Variants in FRMD5 observed in about 807,000 individuals in gnomAD.
FRMD5 encodes FERM domain containing 5.
A neutral mutation model predicts 69.0 loss-of-function variants in FRMD5; 20 were observed. The observed-to-expected ratio is 0.29, with a 90% CI of 0.20 to 0.42. The LOEUF is 0.42. Among genes scored for constraint, FRMD5 ranks in the 10% least tolerant of loss-of-function variants. FRMD5 has a pLI of 1.00. For missense variants in FRMD5, 595 were observed against 708.6 expected (o/e 0.84, Z 1.82); for synonymous variants, 271 against 260.1 (o/e 1.04, Z -0.40).
At chr15:43,940,411 T>A (rs1015039386) in intron 1 of FRMD5, among the ~76,000 whole-genome samples, 1 of 152,090 alleles carries the variant, frequency 6.6e-6, no homozygotes, top group Admixed American at 6.6e-5. Flanking sequence ...AATTAGAAAG[T>A]GAACCTTATT....
chr15:43,898,818 T>G lies in FRMD5; in HGVS notation c.639+3357A>C, dbSNP rs2088976788. On this transcript the variant is annotated intron_variant, in intron 7 of 13. Coordinates refer to ENST00000417257, the MANE Select transcript of FRMD5 (RefSeq NM_032892.5). Reference sequence around the variant, plus strand: ...CAAGGCAGAAAATGCAGGACAGCCTTGTCCTGCACTTTTGGAATTTGGGTA... The same window carrying G: ...CAAGGCAGAAAATGCAGGACAGCCTGGTCCTGCACTTTTGGAATTTGGGTA... Among the ~76,000 whole-genome samples, 3 of 152,224 alleles carry G rather than the reference T, an allele frequency of 2.0e-5. No individual in the cohort carries two copies. The South Asian group carries it at 6.2e-4, about 31-fold the overall frequency.
At chr15:43,962,854 T>G (rs572877377) in intron 1 of FRMD5, among the ~76,000 whole-genome samples, 5 of 152,232 alleles carry the variant, frequency 3.3e-5, no homozygotes, top group African/African-American at 1.2e-4. Flanking sequence ...GCTAGCCATA[T>G]GCAGAAAGCT....
intron 1 of FRMD5, among the ~76,000 whole-genome samples, chr15:43,974,783 G>A (rs1011134552): frequency 6.6e-6 from 1 of 152,218 alleles, no homozygotes; most frequent in Non-Finnish European, 1.5e-5. Context: ...CTACTTTGTA[G>A]CCAACAGAAA....
intron 1 of FRMD5, among the ~76,000 whole-genome samples, chr15:44,005,286 G>A (rs1362741387): frequency 6.6e-6 from 1 of 152,150 alleles, no homozygotes; most frequent in Non-Finnish European, 1.5e-5. Context: ...TTCGAGACCA[G>A]CCTGGCCAAC....
chr15:44,041,654 A>G (rs1892199010), intron 1 of FRMD5, among the ~76,000 whole-genome samples: 1 of 152,236 alleles, frequency 6.6e-6, no homozygotes, highest in Non-Finnish European at 1.5e-5. Flanking sequence ...TTACATGGAA[A>G]CTGAACAACC....
chr15:44,115,107 T>C (rs2076850585), intron 1 of FRMD5, among the ~76,000 whole-genome samples: 1 of 152,242 alleles, frequency 6.6e-6, no homozygotes, highest in Admixed American at 6.5e-5. Context: ...TAGCCTGATC[T>C]GGCCTGGAGT....
chr15:44,062,489 G>C (rs1893129328), intron 1 of FRMD5, among the ~76,000 whole-genome samples: 1 of 152,090 alleles, frequency 6.6e-6, no homozygotes, highest in East Asian at 1.9e-4. Flanking sequence ...CCAAGAGTTC[G>C]AAACCAGCCT....
intron 1 of FRMD5, among the ~76,000 whole-genome samples, chr15:44,012,913 T>C (rs1006571599): frequency 7.2e-5 from 11 of 151,864 alleles, no homozygotes; most frequent in Non-Finnish European, 1.5e-4. Context: ...ATTACAGGCA[T>C]GCGCCACCAT....
At position 44,042,862 on chromosome 15, in the gene FRMD5, C is replaced by T. The variant is rs191388678; in HGVS notation, c.103-118553G>A. Among the ~76,000 whole-genome samples the T allele has an allele frequency of 5.9e-4, 90 of 152,264 alleles. 1 individual carries two copies. The highest frequency in any genetic ancestry group is 3.9e-3 in the East Asian group (20 of 5,186). ...AACTGGAAGCATTCCCTTTGAAAAC[C>T]GGCACAAGACAAGGATAGCCTCTCT... On this transcript the variant is annotated intron_variant, in intron 1 of 13. Transcript: ENST00000417257.
intron 1 of FRMD5, among the ~76,000 whole-genome samples, chr15:44,170,723 G>A (rs1266205358): frequency 2.0e-5 from 3 of 152,038 alleles, no homozygotes; most frequent in African/African-American, 4.8e-5. Context: ...CACTTTTGAT[G>A]GAGTTTTTTC....
chr15:44,031,741 G>A (rs1891693971), intron 1 of FRMD5, among the ~76,000 whole-genome samples: 1 of 152,078 alleles, frequency 6.6e-6, no homozygotes, highest in Non-Finnish European at 1.5e-5. Context: ...CCAGTATTTG[G>A]TGGCTATTTT....
rs531456405 is a variant in FRMD5, at chr15:44,067,690, C to T, written c.102+127263G>A. Among the ~76,000 whole-genome samples the T allele has an allele frequency of 1.8e-4, 28 of 152,212 alleles. No individual in the cohort carries two copies. In the South Asian group the frequency reaches 4.8e-3, roughly 26 times the overall value. On this transcript the variant is annotated intron_variant, in intron 1 of 13. Transcript: ENST00000417257. Reference sequence around the variant, plus strand: ...CTCATGACCTAATCACGCCTAAAGGCCCCAACTCTTAATACTACAGCATTG... The same window carrying T: ...CTCATGACCTAATCACGCCTAAAGGTCCCAACTCTTAATACTACAGCATTG...
chr15:43,874,826 G>GGCT, intron 13 of FRMD5, among the ~76,000 whole-genome samples: 1 of 152,156 alleles, frequency 6.6e-6, no homozygotes, highest in East Asian at 1.9e-4. Context: ...CTTGAACCCG[G>GGCT]GAGGCGGAGG....
chr15:43,989,263 C>G, intron 1 of FRMD5: 1 of 790,334 alleles, frequency 1.3e-6, no homozygotes, highest in African/African-American at 1.7e-5. Flanking sequence ...ATCGGCGATG[C>G]CAGGGTACCT....
chr15:43,926,076 A>G (rs2089579963), intron 1 of FRMD5, among the ~76,000 whole-genome samples: 1 of 152,228 alleles, frequency 6.6e-6, no homozygotes, highest in Non-Finnish European at 1.5e-5. Context: ...CAGGTCCTCA[A>G]TAATTATTTG....
intron 1 of FRMD5, among the ~76,000 whole-genome samples, chr15:43,980,651 A>T (rs1016153847): frequency 6.6e-6 from 1 of 152,190 alleles, no homozygotes; most frequent in Admixed American, 6.5e-5. Flanking sequence ...TATCACTGAA[A>T]ATTTAAATAC....
intron 1 of FRMD5, among the ~76,000 whole-genome samples, chr15:44,174,327 A>G (rs567663327): frequency 1.3e-5 from 2 of 152,278 alleles, no homozygotes; most frequent in African/African-American, 2.4e-5. Flanking sequence ...AATGAATTCA[A>G]TTTTACTCTT....
intron 1 of FRMD5, among the ~76,000 whole-genome samples, chr15:44,171,112 G>A (rs973347445): frequency 2.6e-5 from 4 of 152,034 alleles, no homozygotes; most frequent in African/African-American, 9.7e-5. Flanking sequence ...AGAAGCCACA[G>A]AGATACCCTA....
intron 1 of FRMD5, among the ~76,000 whole-genome samples, chr15:44,030,754 T>C (rs756898367): frequency 2.6e-4 from 39 of 152,152 alleles, no homozygotes; most frequent in Non-Finnish European, 5.1e-4. Context: ...GGTTTGACTC[T>C]GTCTCCACAA....
Sources: gnomAD v4.1 joint callset for allele counts (sites outside exome capture counted in the v4.1 genomes callset) on GRCh38, gnomAD v4.1.1 for gene constraint, MANE v1.5 for transcripts, NCBI Gene and HGNC (gene_info 2026-07-23, HGNC 2026-07-21) for gene names.